Variants in SOD2 observed in about 807,000 individuals in gnomAD.
SOD2 encodes superoxide dismutase [Mn], mitochondrial.
SOD2 carries 11 observed loss-of-function variants against 27.0 expected under a neutral mutation model. The ratio of observed to expected loss-of-function variants is 0.41; its 90% CI spans 0.26 to 0.67. The LOEUF (loss-of-function observed/expected upper bound fraction) is 0.67. SOD2 is among the 30% of genes least tolerant of loss of function. SOD2 has a pLI of 0.34. For missense variants in SOD2, 250 were observed against 274.5 expected (o/e 0.91, Z 0.63); for synonymous variants, 105 against 103.0 (o/e 1.02, Z -0.12).
rs1284272188 is a variant in SOD2 at position 159,679,346 on chromosome 6, T to C, written c.*3147A>G. On this transcript the variant is annotated 3_prime_UTR_variant, in exon 5 of 5. Coordinates refer to ENST00000538183, the MANE Select transcript of SOD2 (RefSeq NM_000636.4). ...TGTAAAACATTTACCTAATAATAGC[T>C]TTCCCAAACAGTACTTCCCCTGGAA... is the stretch of plus-strand genomic sequence containing the variant. The C allele has an allele frequency of 1.3e-5, 2 of 152,234 alleles. No individual in the cohort carries two copies. The highest frequency in any genetic ancestry group is 2.9e-5 in the Non-Finnish European group (2 of 68,048). The allele number at this position is 152,234 out of a possible 1,614,324, so 9.4% of individuals were successfully genotyped here.
upstream of SOD2, chr6:159,748,313 A>C: frequency 6.2e-7 from 1 of 1,614,094 alleles, no homozygotes; most frequent in Non-Finnish European, 8.5e-7. The surrounding 1 kb of genome is among the most constrained non-coding windows in gnomAD (Gnocchi z 5.6). Context: ...AACAGACTAA[A>C]GACAAACTGG....
intron 1 of SOD2, among the ~76,000 whole-genome samples, chr6:159,705,308 C>T (rs528240319): frequency 2.4e-4 from 36 of 152,166 alleles, no homozygotes; most frequent in Admixed American, 9.2e-4. Flanking sequence ...AGGCTTCAGA[C>T]GATCAAACTT....
chr6:159,695,790 C>G (rs906876754), upstream of SOD2, among the ~76,000 whole-genome samples: 13 of 152,290 alleles, frequency 8.5e-5, no homozygotes, highest in African/African-American at 3.1e-4. Context: ...TGAGCCACCA[C>G]ACCTGGCTGC....
intron 1 of SOD2, chr6:159,753,384 C>T (rs776122245): frequency 1.0e-5 from 16 of 1,584,602 alleles, no homozygotes; most frequent in Non-Finnish European, 1.3e-5. Context: ...TGTGTTACAT[C>T]TATCACTGTA....
At chr6:159,708,271 C>T (rs1385801827) in intron 1 of SOD2, among the ~76,000 whole-genome samples, 1 of 152,120 alleles carries the variant, frequency 6.6e-6, no homozygotes. Flanking sequence ...CTGGCCAGGG[C>T]CATCAGGCAG....
chr6:159,750,931 T>C (rs1213740407), intron 1 of SOD2, among the ~76,000 whole-genome samples: 4 of 152,242 alleles, frequency 2.6e-5, no homozygotes, highest in African/African-American at 9.6e-5. Flanking sequence ...CTTTACTGTT[T>C]TTCTGTTCTA....
At chr6:159,718,097 ATCT>A (rs1777958244) in intron 1 of SOD2, among the ~76,000 whole-genome samples, 2 of 151,886 alleles carry the variant, frequency 1.3e-5, no homozygotes, top group South Asian at 2.1e-4. Flanking sequence ...GGCTCATGAA[ATCT>A]TCTCACCTCA....
chr6:159,683,145 T>G (rs1265703391), intron 4 of SOD2, among the ~76,000 whole-genome samples: 1 of 152,090 alleles, frequency 6.6e-6, no homozygotes, highest in African/African-American at 2.4e-5. Context: ...AGAAATTAAG[T>G]GAGGTAAATG....
chr6:159,725,193 G>A (rs909960759), intron 1 of SOD2, among the ~76,000 whole-genome samples: 7 of 152,092 alleles, frequency 4.6e-5, no homozygotes, highest in Admixed American at 1.3e-4. Flanking sequence ...CAAAAGCTCA[G>A]AGGGGCCAGT....
intron 1 of SOD2, among the ~76,000 whole-genome samples, chr6:159,700,660 A>T (rs1024063079): frequency 6.6e-6 from 1 of 152,012 alleles, no homozygotes; most frequent in Non-Finnish European, 1.5e-5. Context: ...CTCAAAAAAA[A>T]AAAAAAAAAA....
chr6:159,759,548 T>TA (rs2114968457), intron 1 of SOD2, among the ~76,000 whole-genome samples: 1 of 151,612 alleles, frequency 6.6e-6, no homozygotes, highest in East Asian at 2.0e-4. Flanking sequence ...CACGGGCCTG[T>TA]AATCCCAGCT....
At chr6:159,746,748 A>C (rs1051539766), upstream of SOD2, among the ~76,000 whole-genome samples, 2 of 152,190 alleles carry the variant, frequency 1.3e-5, no homozygotes, top group African/African-American at 4.8e-5. Context: ...GTCTTTTGCC[A>C]ATCAACTCAA....
intron 1 of SOD2, among the ~76,000 whole-genome samples, chr6:159,736,914 AAACTT>A: frequency 6.6e-6 from 1 of 152,328 alleles, no homozygotes; most frequent in South Asian, 2.1e-4. Context: ...AAAGCTTACT[AAACTT>A]AATATTTAAG....
chr6:159,677,922 T>C lies in SOD2; in HGVS notation c.*4571A>G, dbSNP rs1779814598. On this transcript the variant is annotated 3_prime_UTR_variant, in exon 5 of 5. Coordinates refer to ENST00000538183, the MANE Select transcript of SOD2 (RefSeq NM_000636.4). ...GTTTGCCAATGAAATGATTGGTGGC[T>C]GGGAGCCTCTAGGTAGCTTCAGGAC... 1 of 152,194 alleles carries C rather than the reference T, an allele frequency of 6.6e-6. No homozygotes were observed. The highest frequency in any genetic ancestry group is 2.1e-4 in the South Asian group (1 of 4,830). The allele number at this position is 152,194 out of a possible 1,614,324, so 9.4% of individuals were successfully genotyped here. A position where few individuals can be genotyped will look rare whatever the true frequency, so the allele number is the denominator to read the frequency against.
chr6:159,753,168 A>G (rs188047915), intron 1 of SOD2, among the ~76,000 whole-genome samples: 17 of 152,296 alleles, frequency 1.1e-4, no homozygotes, highest in Admixed American at 6.5e-5. Flanking sequence ...TTCCATTTCA[A>G]ATGATAATTT....
chr6:159,753,312 T>C, intron 1 of SOD2: 1 of 1,139,042 alleles, frequency 8.8e-7, no homozygotes, highest in Non-Finnish European at 1.2e-6. Context: ...AAGATGGATG[T>C]GTCCCAGAAA....
At chr6:159,738,887 G>T in intron 1 of SOD2, 1 of 818,574 alleles carries the variant, frequency 1.2e-6, no homozygotes, top group Non-Finnish European at 1.9e-6. Context: ...AATATGTACT[G>T]AGCCGTTTAA....
In SOD2 at chr6:159,671,526, G is replaced by A; in HGVS notation, c.*10967C>T. The A allele has an allele frequency of 6.6e-6, 1 of 152,418 alleles. No homozygotes were observed. Among genetic ancestry groups the A allele is most frequent in the Admixed American group, 6.5e-5 (1 of 15,270 alleles). The allele number at this position is 152,418 out of a possible 1,614,324, so 9.4% of individuals were successfully genotyped here. ...GCAAACTCCAACAGACCTGCAGCTG[G>A]CGGTCCTGACTGTTAGAAGGAAAAC... On this transcript the variant is annotated 3_prime_UTR_variant, in exon 5 of 5. Transcript: ENST00000538183.
At chr6:159,722,079 A>C (rs530337865) in intron 1 of SOD2, among the ~76,000 whole-genome samples, 1 of 150,776 alleles carries the variant, frequency 6.6e-6, no homozygotes, top group Non-Finnish European at 1.5e-5. Context: ...AAAAAAAAAG[A>C]AAAAAAAAGC....
Sources: allele counts gnomAD v4.1 joint callset (sites outside exome capture counted in the v4.1 genomes callset), GRCh38; gene constraint gnomAD v4.1.1; non-coding constraint Gnocchi (gnomAD v3.1); transcripts MANE v1.5; gene names NCBI Gene and HGNC (gene_info 2026-07-23, HGNC 2026-07-21).